The following WWOX variants were observed in gnomAD, a reference collection of about 807,000 sequenced individuals.
WWOX encodes WW domain-containing oxidoreductase.
In WWOX, 69 loss-of-function variants were observed where a neutral mutation model predicts 46.2. The observed-to-expected ratio is 1.49, with a 90% CI of 1.23 to 1.82. The LOEUF (loss-of-function observed/expected upper bound fraction) is 1.82. WWOX is among the 40% of genes most tolerant of loss of function. WWOX has a pLI of 0.00. For missense variants in WWOX, 919 were observed against 542.6 expected (o/e 1.69, Z -6.89); for synonymous variants, 359 against 202.6 (o/e 1.77, Z -6.56).
intron 8 of WWOX, chr16:79,106,026 C>T (rs895835253): frequency 1.3e-5 from 2 of 152,130 alleles, no homozygotes; most frequent in Non-Finnish European, 2.9e-5. Flanking sequence ...TCAGTGATAC[C>T]ATAGTATCCC....
intron 4 of WWOX, among the ~76,000 whole-genome samples, chr16:78,117,044 T>TTGA (rs1329548635): frequency 6.6e-6 from 1 of 152,210 alleles, no homozygotes; most frequent in Non-Finnish European, 1.5e-5. Context: ...TACATAAGTC[T>TTGA]TGATGGAGAG....
intron 8 of WWOX, among the ~76,000 whole-genome samples, chr16:78,481,023 A>T (rs2084472852): frequency 6.6e-6 from 1 of 152,244 alleles, no homozygotes; most frequent in Admixed American, 6.5e-5. Flanking sequence ...GTGCAAAGTA[A>T]ACACAATCAC....
At chr16:78,171,763 G>T (rs1027904895) in intron 5 of WWOX, among the ~76,000 whole-genome samples, 2 of 152,100 alleles carry the variant, frequency 1.3e-5, no homozygotes, top group Non-Finnish European at 2.9e-5. Flanking sequence ...AATAAATAAA[G>T]GATGATATAA....
intron 8 of WWOX, among the ~76,000 whole-genome samples, chr16:79,012,011 C>T (rs1247629413): frequency 1.3e-5 from 2 of 152,146 alleles, no homozygotes; most frequent in African/African-American, 2.4e-5. Flanking sequence ...TCCCTCACTT[C>T]TGAATAGTTC....
At chr16:78,730,348 C>T (rs888299902) in intron 8 of WWOX, among the ~76,000 whole-genome samples, 1 of 152,100 alleles carries the variant, frequency 6.6e-6, no homozygotes, top group South Asian at 2.1e-4. Flanking sequence ...TCCTTCCTTC[C>T]AGCATTATCA....
At chr16:78,533,177 T>A (rs796640613) in intron 8 of WWOX, among the ~76,000 whole-genome samples, 12 of 152,200 alleles carry the variant, frequency 7.9e-5, no homozygotes, top group African/African-American at 2.9e-4. Flanking sequence ...TGAGGCTATC[T>A]TTACAGGTCA....
At chr16:78,805,839 G>C (rs1448778252) in intron 8 of WWOX, among the ~76,000 whole-genome samples, 1 of 152,156 alleles carries the variant, frequency 6.6e-6, no homozygotes, top group East Asian at 1.9e-4. Flanking sequence ...ACAGTGCCAA[G>C]ATCTGCGAAT....
intron 8 of WWOX, chr16:78,890,624 A>G (rs8058225): frequency 0.09 from 13,649 of 152,226 alleles, 2,061 homozygotes; most frequent in African/African-American, 0.31. Flanking sequence ...GATAGTGTCT[A>G]CATGTGGTCT....
intron 8 of WWOX, among the ~76,000 whole-genome samples, chr16:78,984,834 C>T (rs2046753103): frequency 6.6e-6 from 1 of 152,062 alleles, no homozygotes; most frequent in African/African-American, 2.4e-5. Context: ...GGGGATGTAA[C>T]AGAAAGGAGA....
chr16:78,242,361 T>C (rs2037680456), intron 5 of WWOX, among the ~76,000 whole-genome samples: 2 of 152,244 alleles, frequency 1.3e-5, no homozygotes, highest in African/African-American at 4.8e-5. Context: ...CCAGTTACTT[T>C]ATAAAGCTAC....
chr16:78,652,420 A>G (rs919328499), intron 8 of WWOX, among the ~76,000 whole-genome samples: 2 of 150,148 alleles, frequency 1.3e-5, no homozygotes, highest in South Asian at 4.2e-4. Context: ...AAAAAAAAAA[A>G]AAAAAAAAAA....
intron 8 of WWOX, chr16:78,551,071 C>A (rs1423311834): frequency 6.6e-6 from 1 of 152,034 alleles, no homozygotes; most frequent in Non-Finnish European, 1.5e-5. Flanking sequence ...TTCCATGAAA[C>A]AAATATCATG....
intron 4 of WWOX, among the ~76,000 whole-genome samples, chr16:78,116,752 G>A (rs1050105965): frequency 6.6e-6 from 1 of 152,060 alleles, no homozygotes; most frequent in Non-Finnish European, 1.5e-5. Flanking sequence ...AGGACTTAAG[G>A]GCTTAAAAAT....
intron 8 of WWOX, among the ~76,000 whole-genome samples, chr16:79,026,316 C>T (rs559133455): frequency 1.5e-4 from 23 of 151,766 alleles, no homozygotes; most frequent in African/African-American, 2.4e-4. Context: ...CATCCTCTGC[C>T]GGGGAGGCTC....
intron 8 of WWOX, among the ~76,000 whole-genome samples, chr16:78,447,059 G>A (rs1442908962): frequency 6.6e-6 from 1 of 152,160 alleles, no homozygotes; most frequent in African/African-American, 2.4e-5. Context: ...TCTGTACTCT[G>A]TCCTGTCCAG....
chr16:78,147,130 T>G (rs886853546), intron 4 of WWOX, among the ~76,000 whole-genome samples: 12 of 151,924 alleles, frequency 7.9e-5, no homozygotes, highest in African/African-American at 2.9e-4. Context: ...AGTGATCTGG[T>G]TACATAGATT....
chr16:78,940,867 T>A (rs1399475126), intron 8 of WWOX, among the ~76,000 whole-genome samples: 2 of 152,066 alleles, frequency 1.3e-5, no homozygotes, highest in Non-Finnish European at 2.9e-5. Context: ...TAATAAGTTG[T>A]ATCGATCATG....
At chr16:78,950,527 C>CTCACAT (rs1335171472) in intron 8 of WWOX, among the ~76,000 whole-genome samples, 2 of 85,440 alleles carry the variant, frequency 2.3e-5, no homozygotes, top group African/African-American at 4.3e-5. Flanking sequence ...AACACACACA[C>CTCACAT]ACACATACAC....
intron 8 of WWOX, among the ~76,000 whole-genome samples, chr16:78,859,048 A>ATATATATATATG (rs1241197814): frequency 8.0e-5 from 2 of 24,920 alleles, no homozygotes; most frequent in African/African-American, 2.1e-4. Context: ...ATATATATAT[A>ATATATATATATG]TGTATATATA....
Sources: allele counts gnomAD v4.1 joint callset (sites outside exome capture counted in the v4.1 genomes callset), GRCh38; gene constraint gnomAD v4.1.1; transcripts MANE v1.5; gene names NCBI Gene and HGNC (gene_info 2026-07-23, HGNC 2026-07-21).